CNTN5: variants seen among roughly 807,000 people sequenced by gnomAD.
CNTN5 encodes contactin-5.
In CNTN5, 77 loss-of-function variants were observed where a neutral mutation model predicts 129.1. That is an observed-to-expected ratio of 0.60 (90% CI 0.50 to 0.72). The LOEUF (loss-of-function observed/expected upper bound fraction) is 0.72, where lower values mean the gene tolerates loss of function less well. CNTN5 is among the 30% of genes least tolerant of loss of function. The pLI, the probability that CNTN5 is intolerant of heterozygous loss-of-function variation, is 0.00. For synonymous variants in CNTN5, 509 were observed against 465.6 expected, an observed-to-expected ratio of 1.09 and a Z score of -1.20; for missense variants, 1,478 against 1,328.8, an observed-to-expected ratio of 1.11 and a Z score of -1.75.
intron 7 of CNTN5, among the ~76,000 whole-genome samples, chr11:99,939,003 A>C (rs1782177269): frequency 6.6e-6 from 1 of 152,122 alleles, no homozygotes; most frequent in Non-Finnish European, 1.5e-5. Context: ...GTAAACACTG[A>C]AACTTGTATA....
At chr11:99,429,918 C>T (rs1383494945) in intron 2 of CNTN5, among the ~76,000 whole-genome samples, 1 of 149,792 alleles carries the variant, frequency 6.7e-6, no homozygotes, top group Admixed American at 6.8e-5. Context: ...ACCTAGCTGT[C>T]ACACAGACCA....
intron 17 of CNTN5, among the ~76,000 whole-genome samples, chr11:100,260,015 T>C (rs879029639): frequency 6.6e-6 from 1 of 151,958 alleles, no homozygotes; most frequent in Non-Finnish European, 1.5e-5. Context: ...AGCTGGTGTT[T>C]TGAAAAGATT....
chr11:99,548,731 C>A (rs188674627), intron 2 of CNTN5, among the ~76,000 whole-genome samples: 1 of 152,128 alleles, frequency 6.6e-6, no homozygotes, highest in East Asian at 1.9e-4. Context: ...AAGTCAAATG[C>A]GAGTCTGGTT....
At chr11:99,596,208 A>G (rs909706377) in intron 3 of CNTN5, among the ~76,000 whole-genome samples, 4 of 152,090 alleles carry the variant, frequency 2.6e-5, no homozygotes, top group Non-Finnish European at 5.9e-5. Context: ...TACAGAGATC[A>G]TTTACTTTGT....
chr11:99,783,395 T>C (rs1945388144), intron 3 of CNTN5, among the ~76,000 whole-genome samples: 1 of 34,686 alleles, frequency 2.9e-5, no homozygotes, highest in African/African-American at 1.2e-4. Context: ...GTTCAACCAT[T>C]GTGGAAGTCA....
intron 13 of CNTN5, among the ~76,000 whole-genome samples, chr11:100,076,124 A>T (rs1221389671): frequency 6.6e-6 from 1 of 152,132 alleles, no homozygotes; most frequent in East Asian, 1.9e-4. Context: ...AAACTGCACA[A>T]ACCTAATTAA....
intron 3 of CNTN5, among the ~76,000 whole-genome samples, chr11:99,809,247 C>A (rs112912619): frequency 1.8e-4 from 28 of 152,088 alleles, no homozygotes; most frequent in Non-Finnish European, 3.1e-4. Context: ...TAAGCCTTTT[C>A]GCTAAAACAA....
intron 3 of CNTN5, among the ~76,000 whole-genome samples, chr11:99,742,932 A>T (rs1169714948): frequency 6.6e-6 from 1 of 152,356 alleles, no homozygotes; most frequent in East Asian, 1.9e-4. Flanking sequence ...GCCTTCAGAA[A>T]GCTCACAGTC....
chr11:99,364,425 A>G (rs1939318173), intron 2 of CNTN5, among the ~76,000 whole-genome samples: 2 of 152,094 alleles, frequency 1.3e-5, no homozygotes, highest in South Asian at 2.1e-4. Context: ...TGTTGTTTAA[A>G]TGTTTTCATT....
chr11:99,519,356 C>CGG (rs1478981788), intron 2 of CNTN5, among the ~76,000 whole-genome samples: 3 of 151,972 alleles, frequency 2.0e-5, no homozygotes, highest in Non-Finnish European at 4.4e-5. Context: ...GCTATCCTTA[C>CGG]AGTTTGTTCA....
At chr11:99,817,560 A>T (rs1206552369) in intron 3 of CNTN5, among the ~76,000 whole-genome samples, 1 of 143,190 alleles carries the variant, frequency 7.0e-6, no homozygotes, top group Non-Finnish European at 1.5e-5. Context: ...CCACATTATC[A>T]TACTTCACTG....
At chr11:99,733,157 C>G (rs1184518404) in intron 3 of CNTN5, among the ~76,000 whole-genome samples, 3 of 135,982 alleles carry the variant, frequency 2.2e-5, no homozygotes, top group Admixed American at 6.8e-5. Context: ...AACCTCGTCT[C>G]TACTAAGAAT....
chr11:100,330,356 T>C (rs947689176), intron 21 of CNTN5, among the ~76,000 whole-genome samples: 2 of 152,186 alleles, frequency 1.3e-5, no homozygotes, highest in African/African-American at 2.4e-5. Flanking sequence ...CTAAGAATAC[T>C]TGATGTTCCT....
At chr11:99,341,207 A>G (rs1866498154) in intron 2 of CNTN5, among the ~76,000 whole-genome samples, 1 of 152,182 alleles carries the variant, frequency 6.6e-6, no homozygotes, top group Non-Finnish European at 1.5e-5. Context: ...GCAAACTGAA[A>G]TAATTTAACT....
intron 13 of CNTN5, among the ~76,000 whole-genome samples, chr11:100,161,096 A>G (rs1034865220): frequency 6.6e-6 from 1 of 151,974 alleles, no homozygotes; most frequent in African/African-American, 2.4e-5. Context: ...AAGAACACCA[A>G]TTCTAAAAAT....
chr11:100,002,308 C>T (rs1378701320), intron 9 of CNTN5, among the ~76,000 whole-genome samples, 172 bp downstream of exon 9: 1 of 152,102 alleles, frequency 6.6e-6, no homozygotes, highest in South Asian at 2.1e-4. Context: ...TTACAGTTAT[C>T]TTCTAGTCAT....
chr11:99,778,772 TAAA>T (rs1945212401), intron 3 of CNTN5, among the ~76,000 whole-genome samples: 1 of 151,814 alleles, frequency 6.6e-6, no homozygotes, highest in Non-Finnish European at 1.5e-5. Context: ...TGGTAAGAAA[TAAA>T]AAGTGAGTTC....
intron 1 of CNTN5, among the ~76,000 whole-genome samples, chr11:99,214,052 G>C (rs1017729904): frequency 6.6e-6 from 1 of 152,084 alleles, no homozygotes; most frequent in Admixed American, 6.6e-5. Flanking sequence ...TAGAGCAGAG[G>C]CATGGGCAAT....
intron 8 of CNTN5, among the ~76,000 whole-genome samples, chr11:99,999,673 C>G (rs1386520315): frequency 2.0e-5 from 3 of 152,066 alleles, no homozygotes; most frequent in Non-Finnish European, 2.9e-5. Context: ...ACCCAAAGGA[C>G]TATAAATCAT....
Sources: gnomAD v4.1 joint callset for allele counts (sites outside exome capture counted in the v4.1 genomes callset) on GRCh38, gnomAD v4.1.1 for gene constraint, MANE v1.5 for transcripts, NCBI Gene and HGNC (gene_info 2026-07-23, HGNC 2026-07-21) for gene names.